ITPR2: variants seen among roughly 807,000 people sequenced by gnomAD.
ITPR2 encodes the protein inositol 1,4,5-trisphosphate-gated calcium channel ITPR2.
Under a neutral mutation model 317.1 loss-of-function variants are expected in ITPR2, and 207 were observed. The observed-to-expected ratio is 0.65, with a 90% CI of 0.58 to 0.73. ITPR2 has a LOEUF of 0.73. Ranked by LOEUF, ITPR2 falls within the 30% of genes least tolerant of loss-of-function variation. The pLI is 0.00. For missense variants in ITPR2, 2,613 were observed against 3,284.0 expected, an observed-to-expected ratio of 0.80 and a Z score of 4.99; for synonymous variants, 1,156 against 1,149.1, an observed-to-expected ratio of 1.01 and a Z score of -0.12.
intron 48 of ITPR2, among the ~76,000 whole-genome samples, chr12:26,432,945 C>G (rs947644362): frequency 2.6e-5 from 4 of 152,284 alleles, no homozygotes; most frequent in South Asian, 4.1e-4. Flanking sequence ...AGTCGTTCAG[C>G]CTGTTTGACC....
chr12:26,486,702 T>A, intron 40 of ITPR2: 1 of 538,616 alleles, frequency 1.9e-6, no homozygotes, highest in Non-Finnish European at 3.5e-6. Context: ...AATACATGGA[T>A]GATTTTGTCA....
intron 55 of ITPR2, among the ~76,000 whole-genome samples, chr12:26,340,776 T>C (rs1373880069): frequency 6.6e-6 from 1 of 152,176 alleles, no homozygotes; most frequent in East Asian, 1.9e-4. Context: ...CCCACACTAC[T>C]TTACCTCCCA....
chr12:26,426,637 T>C (rs1050385929), intron 49 of ITPR2, among the ~76,000 whole-genome samples: 2 of 152,136 alleles, frequency 1.3e-5, no homozygotes, highest in Non-Finnish European at 2.9e-5. Flanking sequence ...TGATTGAGGA[T>C]AATTGGTAAT....
intron 34 of ITPR2, among the ~76,000 whole-genome samples, chr12:26,576,243 A>G (rs1945272401): frequency 6.6e-6 from 1 of 152,144 alleles, no homozygotes. Flanking sequence ...AATTACATAA[A>G]AGTGTGAAGA....
chr12:26,672,419 T>C (rs1359835442), intron 13 of ITPR2, among the ~76,000 whole-genome samples: 2 of 152,048 alleles, frequency 1.3e-5, no homozygotes, highest in African/African-American at 2.4e-5. Flanking sequence ...CTCAACTACA[T>C]GGAAACTGAA....
At chr12:26,513,627 T>C (rs1943414090) in intron 37 of ITPR2, among the ~76,000 whole-genome samples, 1 of 151,574 alleles carries the variant, frequency 6.6e-6, no homozygotes, top group African/African-American at 2.4e-5. Flanking sequence ...GGAATATAAT[T>C]TCATCTACAC....
At chr12:26,750,266 C>T (rs1419759463) in intron 2 of ITPR2, among the ~76,000 whole-genome samples, 1 of 152,204 alleles carries the variant, frequency 6.6e-6, no homozygotes, top group African/African-American at 2.4e-5. Context: ...TAGACTCCAA[C>T]TGTCCAGCCC....
At position 26,486,349 on chromosome 12, in the gene ITPR2, T is replaced by C. The variant is rs766367193; in HGVS notation, c.5566A>G (p.Thr1856Ala). The C allele has an allele frequency of 1.5e-5, 24 of 1,611,946 alleles. No homozygotes were observed. The highest frequency in any genetic ancestry group is 1.6e-4 in the Middle Eastern group (1 of 6,076). ...SGPRMRVRDS[T>A]LHLKEGMKGQ... ...TTCATTCCCTCTTTTAAATGTAGTG[T>C]TGAATCTCTTACTGAAAACAAAGCA... Residue 1856 changes from threonine (T) to alanine (A), a missense_variant, in exon 41 of 57, where the codon ACA becomes GCA. Coordinates refer to ENST00000381340, the MANE Select transcript of ITPR2 (RefSeq NM_002223.4).
intron 13 of ITPR2, among the ~76,000 whole-genome samples, chr12:26,666,497 C>T (rs1264383290): frequency 6.6e-6 from 1 of 152,218 alleles, no homozygotes; most frequent in Non-Finnish European, 1.5e-5. Context: ...CAGCATACTT[C>T]TGCTTAAGGG....
chr12:26,456,229 GCCAAAACCCA>G, intron 45 of ITPR2, among the ~76,000 whole-genome samples: 1 of 152,272 alleles, frequency 6.6e-6, no homozygotes, highest in African/African-American at 2.4e-5. Flanking sequence ...AAAGAAGCTG[GCCAAAACCCA>G]CCAAAACCAA....
intron 1 of ITPR2, among the ~76,000 whole-genome samples, chr12:26,810,238 ATAAAG>A (rs1456603046): frequency 1.3e-5 from 2 of 152,190 alleles, no homozygotes; most frequent in South Asian, 2.1e-4. Flanking sequence ...TAGTTTTCTT[ATAAAG>A]TAATTTTGTG....
intron 2 of ITPR2, among the ~76,000 whole-genome samples, chr12:26,787,747 CA>C (rs1477310033): frequency 6.6e-6 from 1 of 152,098 alleles, no homozygotes; most frequent in Non-Finnish European, 1.5e-5. Flanking sequence ...CATCCAAAAG[CA>C]CCTAATGGCT....
chr12:26,450,962 C>A (rs1477106042), intron 45 of ITPR2, among the ~76,000 whole-genome samples: 1 of 152,128 alleles, frequency 6.6e-6, no homozygotes, highest in East Asian at 1.9e-4. Context: ...GAAAAGCTAA[C>A]AAATCTGTGT....
chr12:26,672,197 G>A (rs1000199770), intron 13 of ITPR2, among the ~76,000 whole-genome samples: 10 of 151,812 alleles, frequency 6.6e-5, no homozygotes, highest in Admixed American at 4.6e-4. Context: ...GCACCAAGCA[G>A]ACCTAATAGA....
chr12:26,793,137 C>G (rs978656408), intron 1 of ITPR2, among the ~76,000 whole-genome samples: 2 of 152,158 alleles, frequency 1.3e-5, no homozygotes, highest in African/African-American at 4.8e-5. Flanking sequence ...GTTCTCCCAC[C>G]CACCAGTAGG....
chr12:26,637,541 T>A (rs1565656738), intron 21 of ITPR2, among the ~76,000 whole-genome samples: 1 of 152,130 alleles, frequency 6.6e-6, no homozygotes, highest in Non-Finnish European at 1.5e-5. Flanking sequence ...CTTAATCCTA[T>A]AAAATAGGTT....
chr12:26,485,173 G>C (rs1200209929), intron 41 of ITPR2, among the ~76,000 whole-genome samples: 1 of 152,200 alleles, frequency 6.6e-6, no homozygotes, highest in East Asian at 1.9e-4. Context: ...TCTCTGGGGA[G>C]TAAACCTAGT....
At chr12:26,411,161 C>T in intron 52 of ITPR2, 159 bp downstream of exon 52, 1 of 578,714 alleles carries the variant, frequency 1.7e-6, no homozygotes, top group Non-Finnish European at 3.1e-6. Flanking sequence ...TGTGGGAATC[C>T]TTTCTCCTGT....
At chr12:26,383,774 G>C (rs2136622531) in intron 55 of ITPR2, among the ~76,000 whole-genome samples, 1 of 151,982 alleles carries the variant, frequency 6.6e-6, no homozygotes, top group Admixed American at 6.6e-5. Context: ...GGGATTACAG[G>C]CGTGAGCCAC....
Sources: allele counts gnomAD v4.1 joint callset (sites outside exome capture counted in the v4.1 genomes callset), GRCh38; gene constraint gnomAD v4.1.1; transcripts MANE v1.5; gene names NCBI Gene and HGNC (gene_info 2026-07-23, HGNC 2026-07-21).